TASP1: variants seen among roughly 807,000 people sequenced by gnomAD.
The protein encoded by TASP1 is threonine aspartase 1.
Under a neutral mutation model 56.6 loss-of-function variants are expected in TASP1, and 16 were observed. The ratio of observed to expected loss-of-function variants is 0.28; its 90% CI spans 0.19 to 0.43. The LOEUF is 0.43. Ranked by LOEUF, TASP1 falls within the 20% of genes least tolerant of loss-of-function variation. The pLI, the probability that TASP1 is intolerant of heterozygous loss-of-function variation, is 1.00. For missense variants in TASP1, 393 were observed against 511.6 expected, an observed-to-expected ratio of 0.77 and a Z score of 2.24; for synonymous variants, 179 against 184.2, an observed-to-expected ratio of 0.97 and a Z score of 0.23.
At chr20:13,242,023 G>A in the TASP1 span, among the ~76,000 whole-genome samples, 7 of 152,146 alleles carry the variant, frequency 4.6e-5, no homozygotes, top group Non-Finnish European at 5.9e-5. Context: ...CTGAAGGGAG[G>A]TGAGAAAATG....
At chr20:13,118,331 T>C in the TASP1 span, among the ~76,000 whole-genome samples, 1 of 151,596 alleles carries the variant, frequency 6.6e-6, no homozygotes, top group African/African-American at 2.4e-5. Flanking sequence ...ATAGGTCAAA[T>C]CCTGCCATTC....
At chr20:13,107,741 T>C in the TASP1 span, among the ~76,000 whole-genome samples, 1 of 151,712 alleles carries the variant, frequency 6.6e-6, no homozygotes, top group Non-Finnish European at 1.5e-5. Flanking sequence ...AGTTAGTTTC[T>C]GGCTAGTGAT....
intron 8 of TASP1, among the ~76,000 whole-genome samples, chr20:13,543,618 G>T (rs1336751358): frequency 3.9e-5 from 6 of 151,994 alleles, no homozygotes. Flanking sequence ...AAGATTTCTT[G>T]AATCACTTCC....
the TASP1 span, among the ~76,000 whole-genome samples, chr20:13,312,042 T>C: frequency 1.3e-5 from 2 of 149,480 alleles, no homozygotes; most frequent in African/African-American, 5.0e-5. Flanking sequence ...ATATAGACAA[T>C]TAATCATTTG....
chr20:13,416,379 G>C (rs529749842), intron 13 of TASP1, among the ~76,000 whole-genome samples: 20 of 152,286 alleles, frequency 1.3e-4, no homozygotes, highest in Admixed American at 1.1e-3. Context: ...GTGAAGCAAA[G>C]GGGGAGGGTG....
At chr20:13,285,479 G>T in the TASP1 span, among the ~76,000 whole-genome samples, 1 of 152,162 alleles carries the variant, frequency 6.6e-6, no homozygotes, top group African/African-American at 2.4e-5. Context: ...TGTAGATGCT[G>T]TATTGAGATG....
chr20:13,603,635 T>C (rs1406555544), intron 4 of TASP1, among the ~76,000 whole-genome samples: 2 of 152,210 alleles, frequency 1.3e-5, no homozygotes, highest in Non-Finnish European at 2.9e-5. Flanking sequence ...CGGACTTCTA[T>C]CCAGAATTTA....
At chr20:13,461,928 C>T (rs1383296034) in intron 11 of TASP1, among the ~76,000 whole-genome samples, 1 of 152,088 alleles carries the variant, frequency 6.6e-6, no homozygotes, top group African/African-American at 2.4e-5. Context: ...CGAAAAGAAG[C>T]CCCATTTTGT....
At chr20:13,558,847 A>C (rs2046249715) in intron 8 of TASP1, among the ~76,000 whole-genome samples, 161 bp downstream of exon 8, 2 of 152,124 alleles carry the variant, frequency 1.3e-5, no homozygotes, top group South Asian at 4.1e-4. Flanking sequence ...TATGAGCCTA[A>C]TATTATGAAC....
At chr20:13,430,364 G>C (rs6033706) in intron 12 of TASP1, among the ~76,000 whole-genome samples, 1 of 152,098 alleles carries the variant, frequency 6.6e-6, no homozygotes, top group East Asian at 1.9e-4. Flanking sequence ...CAGGCTCTCC[G>C]ATGAGATTTC....
chr20:13,432,705 C>T (rs2042855525), intron 12 of TASP1, among the ~76,000 whole-genome samples: 1 of 152,098 alleles, frequency 6.6e-6, no homozygotes, highest in South Asian at 2.1e-4. Flanking sequence ...GAGTAGGAAC[C>T]AGTTTATAAA....
At chr20:13,559,157 A>G (rs1489533436) in intron 7 of TASP1, 43 bp from the exon 8 acceptor site, 22 of 1,283,110 alleles carry the variant, frequency 1.7e-5, no homozygotes, top group Non-Finnish European at 2.3e-5. Context: ...ACATTTAAGA[A>G]ATATTAGGGC....
chr20:13,264,841 C>G, the TASP1 span, among the ~76,000 whole-genome samples: 6 of 152,316 alleles, frequency 3.9e-5, no homozygotes, highest in East Asian at 9.6e-4. Flanking sequence ...CTTGATTCAT[C>G]TCAGCAGAGC....
intron 11 of TASP1, among the ~76,000 whole-genome samples, chr20:13,450,875 A>T (rs1187932518): frequency 6.6e-6 from 1 of 152,118 alleles, no homozygotes; most frequent in African/African-American, 2.4e-5. Flanking sequence ...CTGATGGAGA[A>T]GGTTTTCTAA....
the TASP1 span, among the ~76,000 whole-genome samples, chr20:13,187,620 C>T: frequency 6.6e-6 from 1 of 150,384 alleles, no homozygotes; most frequent in Non-Finnish European, 1.5e-5. Context: ...TGGTAGCGCA[C>T]ACCTGTAGTC....
chr20:13,210,779 A>C, the TASP1 span, among the ~76,000 whole-genome samples: 1 of 152,150 alleles, frequency 6.6e-6, no homozygotes, highest in Non-Finnish European at 1.5e-5. Context: ...AATAATAAAA[A>C]TACTTTAAAA....
chr20:13,332,437 T>C, the TASP1 span, among the ~76,000 whole-genome samples: 2 of 152,216 alleles, frequency 1.3e-5, no homozygotes. Flanking sequence ...GCATGAATTT[T>C]ATCATTCATC....
chr20:13,249,036 C>A, the TASP1 span, among the ~76,000 whole-genome samples: 912 of 152,282 alleles, frequency 6.0e-3, 9 homozygotes, highest in African/African-American at 0.021. Context: ...TCAGGCCCCA[C>A]GTACATGTGG....
At chr20:13,329,572 A>G in the TASP1 span, among the ~76,000 whole-genome samples, 2 of 152,108 alleles carry the variant, frequency 1.3e-5, no homozygotes, top group Non-Finnish European at 2.9e-5. Flanking sequence ...TTTCAGTTTC[A>G]ATTGTTCATT....
Sources: gnomAD v4.1 joint callset for allele counts (sites outside exome capture counted in the v4.1 genomes callset) on GRCh38, gnomAD v4.1.1 for gene constraint, MANE v1.5 for transcripts, NCBI Gene and HGNC (gene_info 2026-07-23, HGNC 2026-07-21) for gene names.